PTPN21: variants seen among roughly 807,000 people sequenced by gnomAD.
PTPN21 encodes tyrosine-protein phosphatase non-receptor type 21.
PTPN21 carries 77 observed loss-of-function variants against 131.8 expected under a neutral mutation model. The ratio of observed to expected loss-of-function variants is 0.58; its 90% CI spans 0.49 to 0.71. PTPN21 has a LOEUF of 0.71. PTPN21 is among the 30% of genes least tolerant of loss of function. The pLI, the probability that PTPN21 is intolerant of heterozygous loss-of-function variation, is 0.00. For missense variants in PTPN21, 1,552 were observed against 1,527.1 expected, an observed-to-expected ratio of 1.02 and a Z score of -0.27; for synonymous variants, 715 against 621.3, an observed-to-expected ratio of 1.15 and a Z score of -2.24.
At chr14:88,492,082 A>G (rs1262522206) in intron 10 of PTPN21, among the ~76,000 whole-genome samples, 1 of 152,068 alleles carries the variant, frequency 6.6e-6, no homozygotes, top group African/African-American at 2.4e-5. Flanking sequence ...GGCACTAACC[A>G]CCAACCAATA....
chr14:88,532,373 G>C (rs926142020), intron 2 of PTPN21, among the ~76,000 whole-genome samples: 2 of 151,610 alleles, frequency 1.3e-5, no homozygotes, highest in Non-Finnish European at 2.9e-5. Context: ...TTAAGTCTAA[G>C]AAAAAAAATG....
intron 12 of PTPN21, 37 bp from the exon 13 acceptor site, chr14:88,480,389 TG>T (rs773018894): frequency 6.7e-7 from 1 of 1,482,696 alleles, no homozygotes; most frequent in East Asian, 2.3e-5. Context: ...TTTTTTTAAA[TG>T]GACTAATTAC....
In PTPN21 at chr14:88,479,910, G is replaced by A. The variant is rs560076474; in HGVS notation, c.1521C>T (p.Ala507=). The A allele has an allele frequency of 1.1e-4, 172 of 1,600,060 alleles. No individual in the cohort carries two copies. In the South Asian group the frequency reaches 1.8e-3, roughly 17 times the overall value. Residue 507 remains alanine (A), a synonymous_variant, in exon 13 of 19, where the codon GCC becomes GCT. Transcript: ENST00000556564. ...REHAQLPSPA[A]AHCPFSLSYS... ...AGCTCAGGCTGAACGGGCAGTGTGC[G>A]GCCGCTGGCGAGGGGAGCTGTGCGT... is the stretch of plus-strand genomic sequence containing the variant.
Position 88,469,684 on chromosome 14 carries a change from C to T in PTPN21, c.3050G>A (p.Arg1017Lys). 6.2e-7 allele frequency: 1 copy of T among 1,614,206 alleles called. No homozygotes were observed. Among genetic ancestry groups the T allele is most frequent in the Non-Finnish European group, 8.5e-7 (1 of 1,180,044 alleles). ...CCTTCCATAGGTGACAGTGTTGTGC[C>T]TGGAACCAAGTCGTGGCCAGTACCT... ...SFRYWPRLGS[R>K]HNTVTYGRFK... The change falls in exon 17 of 19, where the codon AGG (arginine) becomes AAG (lysine). Residue 1017 changes from arginine (R) to lysine (K), a missense_variant. Physicochemically the swap from Arg to Lys is conservative, Grantham distance 26 (BLOSUM62 2). Coordinates refer to ENST00000556564, the MANE Select transcript of PTPN21 (RefSeq NM_007039.4). The surrounding 1 kb of genome is among the most constrained non-coding windows in gnomAD (Gnocchi z 4.3).
chr14:88,495,055 C>CG (rs2077889356), intron 10 of PTPN21, among the ~76,000 whole-genome samples: 1 of 134,596 alleles, frequency 7.4e-6, no homozygotes, highest in African/African-American at 2.7e-5. Flanking sequence ...GTGTCAGTGT[C>CG]AGGATCTGAT....
At position 88,477,109 on chromosome 14, in the gene PTPN21, T is replaced by C. The variant is rs568980558; in HGVS notation, c.2511+1811A>G. ...GCTCAGGGATTCAGGTAGAGTTACT[T>C]TGGAAAATCTACCCACACCTTATCC... On this transcript the variant is annotated intron_variant, in intron 13 of 18. Coordinates refer to ENST00000556564, the MANE Select transcript of PTPN21 (RefSeq NM_007039.4). Among the ~76,000 whole-genome samples, 38 of 151,876 alleles carry C rather than the reference T, an allele frequency of 2.5e-4. No homozygotes were observed. In the East Asian group the frequency reaches 6.6e-3, roughly 26 times the overall value.
chr14:88,470,161 AAAAAGTAG>A, intron 15 of PTPN21, 111 bp from the exon 16 acceptor site: 1 of 966,208 alleles, frequency 1.0e-6, no homozygotes, highest in East Asian at 2.6e-5. Context: ...GTAAAAAGTA[AAAAAGTAG>A]TAAACTGGAT....
chr14:88,529,350 T>C (rs547820333), intron 2 of PTPN21, among the ~76,000 whole-genome samples: 1 of 152,192 alleles, frequency 6.6e-6, no homozygotes, highest in Admixed American at 6.5e-5. Flanking sequence ...CTTTTTGATA[T>C]GGTGTTAGAT....
chr14:88,527,778 T>C (rs1277153094), intron 2 of PTPN21, among the ~76,000 whole-genome samples: 6 of 152,226 alleles, frequency 3.9e-5, no homozygotes, highest in Non-Finnish European at 1.5e-5. Context: ...AGAATTTTAA[T>C]AGTTTCAGGT....
intron 2 of PTPN21, among the ~76,000 whole-genome samples, chr14:88,541,692 T>A (rs532092777): frequency 3.7e-4 from 56 of 152,270 alleles, no homozygotes; most frequent in African/African-American, 1.3e-3. Flanking sequence ...TGAATGGCCC[T>A]TCCTGAGACC....
chr14:88,485,673 C>A, intron 11 of PTPN21, 109 bp downstream of exon 11: 2 of 727,168 alleles, frequency 2.8e-6, no homozygotes, highest in Admixed American at 2.5e-5. Context: ...GATGAAATAT[C>A]AATACACTTT....
At chr14:88,540,291 G>A (rs777745861) in intron 2 of PTPN21, among the ~76,000 whole-genome samples, 7 of 152,188 alleles carry the variant, frequency 4.6e-5, no homozygotes, top group Non-Finnish European at 1.0e-4. Context: ...ACGAGATGGT[G>A]GGAGGAAACA....
At chr14:88,536,287 A>G (rs1286689041) in intron 2 of PTPN21, among the ~76,000 whole-genome samples, 4 of 152,198 alleles carry the variant, frequency 2.6e-5, no homozygotes, top group African/African-American at 9.7e-5. Context: ...AAGTTATTCA[A>G]TGATTTCTTC....
At chr14:88,513,115 T>C (rs1187177214) in intron 3 of PTPN21, among the ~76,000 whole-genome samples, 1 of 152,194 alleles carries the variant, frequency 6.6e-6, no homozygotes, top group African/African-American at 2.4e-5. Context: ...TATGAATTCA[T>C]GAATTTTAAG....
At chr14:88,524,382 CT>C (rs1008754412) in intron 2 of PTPN21, among the ~76,000 whole-genome samples, 1 of 152,126 alleles carries the variant, frequency 6.6e-6, no homozygotes, top group Non-Finnish European at 1.5e-5. Context: ...AAAGAATACT[CT>C]CTTCAGCAAA....
intron 2 of PTPN21, among the ~76,000 whole-genome samples, chr14:88,534,626 C>T (rs1230287217): frequency 2.0e-5 from 3 of 152,090 alleles, no homozygotes; most frequent in African/African-American, 7.2e-5. Context: ...GTAATCCCAG[C>T]ACTTTAGGAG....
intron 1 of PTPN21, chr14:88,551,207 G>C (rs759919746): frequency 3.0e-4 from 46 of 152,244 alleles, no homozygotes; most frequent in Non-Finnish European, 5.7e-4. Flanking sequence ...CATCATAAAA[G>C]ACCCTACAAA....
Position 88,479,465 on chromosome 14 carries a change from T to TGCGCTCCTTGAGCCGCAG in PTPN21, c.1948_1965dup (p.Leu650_Arg655dup). ...ACCTCTGCCGCCGACGCGGATAGGGTGCGCTCCTTGAGCCGCAGGCCCTCC... is the reference window on the plus strand; with the variant it reads ...ACCTCTGCCGCCGACGCGGATAGGGTGCGCTCCTTGAGCCGCAGGCGCTCCTTGAGCCGCAGGCCCTCC... On this transcript the variant is annotated inframe_insertion, in exon 13 of 19. Transcript: ENST00000556564. 1 of 1,602,096 alleles carries TGCGCTCCTTGAGCCGCAG rather than the reference T, an allele frequency of 6.2e-7. No individual in the cohort carries two copies. Among genetic ancestry groups the TGCGCTCCTTGAGCCGCAG allele is most frequent in the Non-Finnish European group, 8.5e-7 (1 of 1,179,006 alleles).
At chr14:88,491,966 TAATC>T (rs1419037622) in intron 10 of PTPN21, among the ~76,000 whole-genome samples, 8 of 152,174 alleles carry the variant, frequency 5.3e-5, no homozygotes, top group Admixed American at 3.9e-4. Context: ...TCATTCACCA[TAATC>T]AATCATTTGT....
Sources: gnomAD v4.1 joint callset for allele counts (sites outside exome capture counted in the v4.1 genomes callset) on GRCh38, gnomAD v4.1.1 for gene constraint, Gnocchi (gnomAD v3.1) non-coding constraint, MANE v1.5 for transcripts, NCBI Gene and HGNC (gene_info 2026-07-23, HGNC 2026-07-21) for gene names.